Variants in PFKFB3 observed in about 807,000 individuals in gnomAD.
PFKFB3 encodes 6-phosphofructo-2-kinase/fructose-2,6-biphosphatase 3.
Under a neutral mutation model 68.0 loss-of-function variants are expected in PFKFB3, and 33 were observed. The observed-to-expected ratio is 0.49, with a 90% confidence interval of 0.37 to 0.65. The LOEUF (loss-of-function observed/expected upper bound fraction) is 0.65, where lower values mean the gene tolerates loss of function less well. Among genes scored for constraint, PFKFB3 ranks in the 30% least tolerant of loss-of-function variants. The pLI is 0.00. For missense variants in PFKFB3, 586 were observed against 712.2 expected, an observed-to-expected ratio of 0.82 and a Z score of 2.02; for synonymous variants, 315 against 288.2, an observed-to-expected ratio of 1.09 and a Z score of -0.94.
At chr10:6,310,295 T>C in the PFKFB3 span, among the ~76,000 whole-genome samples, 357 of 152,216 alleles carry the variant, frequency 2.3e-3, 2 homozygotes, top group African/African-American at 8.2e-3. Flanking sequence ...GTTGGGATTT[T>C]TTTTTCTTTT....
Position 6,215,911 on chromosome 10 carries a change from G to GCA in PFKFB3, c.300-214_300-213insCA, listed in dbSNP as rs1421642483. On this transcript the variant is annotated intron_variant, in intron 3 of 14. Transcript: ENST00000379775. This position sits in a 1 kb window ranked among gnomAD's most constrained non-coding sequence, Gnocchi z 4.3. ...GTGGTTCCCGCGTGCAGCCCGGTTTGAGCACCGCCTCCCGAGGGTTCCTGA... is the reference window on the plus strand; with the variant it reads ...GTGGTTCCCGCGTGCAGCCCGGTTTGCAAGCACCGCCTCCCGAGGGTTCCTGA... Among the ~76,000 whole-genome samples the GCA allele has an allele frequency of 9.3e-4, 141 of 152,270 alleles. 1 individual carries two copies. The highest frequency in any genetic ancestry group is 4.1e-3 in the South Asian group (20 of 4,826).
chr10:6,178,673 G>C (rs1395641261), intron 1 of PFKFB3, among the ~76,000 whole-genome samples: 2 of 152,164 alleles, frequency 1.3e-5, no homozygotes, highest in Non-Finnish European at 2.9e-5. Flanking sequence ...TTTTCCCCGG[G>C]GCCAGGGTGG....
intron 1 of PFKFB3, chr10:6,145,083 C>G: frequency 1.6e-6 from 2 of 1,225,256 alleles, no homozygotes; most frequent in Non-Finnish European, 2.1e-6. Context: ...CTGTGGGTAC[C>G]CGAGCCTTGG....
At chr10:6,251,483 T>TTACA (rs1284736916) in intron 14 of PFKFB3, among the ~76,000 whole-genome samples, 1 of 152,250 alleles carries the variant, frequency 6.6e-6, no homozygotes, top group Non-Finnish European at 1.5e-5. Flanking sequence ...TGATGGTTTG[T>TTACA]TACAACCTTG....
the PFKFB3 span, among the ~76,000 whole-genome samples, chr10:6,288,193 CTT>C: frequency 1.9e-4 from 25 of 133,378 alleles, no homozygotes; most frequent in African/African-American, 5.2e-4. Context: ...TGGCTTCTTT[CTT>C]TTTTTTTTTT....
At chr10:6,311,913 G>A in the PFKFB3 span, among the ~76,000 whole-genome samples, 6,845 of 152,248 alleles carry the variant, frequency 0.045, 197 homozygotes, top group South Asian at 0.13. Flanking sequence ...TATAAAGGCT[G>A]CAATGTCAAA....
rs1055718997 is a variant in PFKFB3, at chr10:6,170,091, C to T, written c.16+25078C>T. 5.3e-5 allele frequency among the ~76,000 whole-genome samples: 8 copies of T among 152,300 alleles called. No individual in the cohort carries two copies. In the East Asian group the frequency reaches 1.3e-3, roughly 26 times the overall value. The stretch of plus-strand genomic sequence containing the variant: ...TTGAAGTGGGGGTGGGAGGACATGC[C>T]TGGGCCCACCCCGTGGTTCTTTAAT... On this transcript the variant is annotated intron_variant, in intron 1 of 14. Coordinates refer to the PFKFB3 transcript ENST00000379789.
chr10:6,308,254 C>T, the PFKFB3 span, among the ~76,000 whole-genome samples: 1 of 152,312 alleles, frequency 6.6e-6, no homozygotes, highest in Admixed American at 6.5e-5. Context: ...GGCTCATGCC[C>T]ATAATCCCAA....
At chr10:6,192,366 C>CCTTTTTTTTTTTTTTTTTTTTTT (rs1564609433) in intron 1 of PFKFB3, among the ~76,000 whole-genome samples, 1 of 113,070 alleles carries the variant, frequency 8.8e-6, no homozygotes. Flanking sequence ...TTTCTTTCTT[C>CCTTTTTTTTTTTTTTTTTTTTTT]TTTTTTTTTT....
downstream of PFKFB3, among the ~76,000 whole-genome samples, chr10:6,240,437 G>A (rs1210152046): frequency 2.0e-5 from 3 of 151,728 alleles, no homozygotes; most frequent in East Asian, 1.9e-4. Flanking sequence ...GATAATTTTC[G>A]CATTTTTAGT....
chr10:6,219,496 C>T, intron 6 of PFKFB3, 73 bp from the exon 7 acceptor site: 1 of 1,568,874 alleles, frequency 6.4e-7, no homozygotes, highest in Non-Finnish European at 8.8e-7. Context: ...CTTTTGAAAG[C>T]CCCAAATCCT....
At chr10:6,255,147 T>C (rs990727485), downstream of PFKFB3, among the ~76,000 whole-genome samples, 3 of 147,912 alleles carry the variant, frequency 2.0e-5, no homozygotes, top group African/African-American at 7.5e-5. Flanking sequence ...TTCTTTTTTT[T>C]TTTGAGACGG....
At chr10:6,212,494 G>A (rs762608586) in intron 1 of PFKFB3, among the ~76,000 whole-genome samples, 2 of 152,152 alleles carry the variant, frequency 1.3e-5, no homozygotes, top group Non-Finnish European at 2.9e-5. Context: ...CTTCGTGACC[G>A]GCCCTTCCCT....
intron 6 of PFKFB3, among the ~76,000 whole-genome samples, chr10:6,218,049 G>C (rs1564630806): frequency 6.6e-6 from 1 of 152,188 alleles, no homozygotes; most frequent in Non-Finnish European, 1.5e-5. Flanking sequence ...TTCAGGAAGG[G>C]CTATTTGAAT....
intron 1 of PFKFB3, among the ~76,000 whole-genome samples, chr10:6,208,146 C>G (rs1287373857): frequency 2.0e-5 from 3 of 152,158 alleles, no homozygotes; most frequent in African/African-American, 7.2e-5. Flanking sequence ...GCAATCACGT[C>G]TCATTGAAGC....
At chr10:6,209,760 C>CTTT in intron 1 of PFKFB3, among the ~76,000 whole-genome samples, 2 of 71,236 alleles carry the variant, frequency 2.8e-5, no homozygotes, top group South Asian at 6.8e-4. Context: ...CAATACTTAC[C>CTTT]TTTTCTTTTT....
At chr10:6,294,035 TA>T in the PFKFB3 span, 2 of 525,574 alleles carry the variant, frequency 3.8e-6, no homozygotes, top group South Asian at 2.8e-5. Context: ...CATTACCAGT[TA>T]TAGGAGCCAT....
intron 1 of PFKFB3, among the ~76,000 whole-genome samples, chr10:6,210,514 A>G (rs374580132): frequency 8.8e-6 from 1 of 114,028 alleles, no homozygotes; most frequent in African/African-American, 2.7e-5. Context: ...GCGCCCGCCA[A>G]CATGGCCGGC....
chr10:6,161,758 G>A (rs187163083), intron 1 of PFKFB3, among the ~76,000 whole-genome samples: 2 of 152,192 alleles, frequency 1.3e-5, no homozygotes, highest in Admixed American at 6.5e-5. Flanking sequence ...TCAGCCTCCC[G>A]AGTGGGTGGG....
Sources: allele counts gnomAD v4.1 joint callset (sites outside exome capture counted in the v4.1 genomes callset), GRCh38; gene constraint gnomAD v4.1.1; non-coding constraint Gnocchi (gnomAD v3.1); transcripts MANE v1.5; gene names NCBI Gene and HGNC (gene_info 2026-07-23, HGNC 2026-07-21).